RP1: variants seen among roughly 807,000 people sequenced by gnomAD.
RP1 encodes RP1 axonemal microtubule associated, also known as oxygen-regulated protein 1.
Under a neutral mutation model 14.8 loss-of-function variants are expected in RP1, and 16 were observed. The ratio of observed to expected loss-of-function variants is 1.08; its 90% CI spans 0.73 to 1.65. RP1 has a LOEUF of 1.65. RP1 is among the 40% of genes most tolerant of loss of function. RP1 has a pLI of 0.00. For synonymous variants in RP1, 876 were observed against 883.6 expected (o/e 0.99, Z 0.15); for missense variants, 2,631 against 2,535.0 (o/e 1.04, Z -0.81).
At chr8:54,704,700 G>A (rs1339658395) in intron 14 of RP1, among the ~76,000 whole-genome samples, 1 of 152,174 alleles carries the variant, frequency 6.6e-6, no homozygotes, top group Non-Finnish European at 1.5e-5. Context: ...AGGTATGTGT[G>A]TACTTACAGT....
chr8:54,756,644 C>T (rs943404380), intron 21 of RP1, among the ~76,000 whole-genome samples: 20 of 152,094 alleles, frequency 1.3e-4, no homozygotes, highest in African/African-American at 4.6e-4. Context: ...TTTTAGATGC[C>T]GTGGTATTAT....
At chr8:54,652,117 C>T (rs528092458) in intron 4 of RP1, among the ~76,000 whole-genome samples, 1 of 151,964 alleles carries the variant, frequency 6.6e-6, no homozygotes, top group African/African-American at 2.4e-5. Context: ...AAGCAATTCT[C>T]CTGCCTTAGC....
intron 4 of RP1, among the ~76,000 whole-genome samples, chr8:54,652,400 A>C (rs576542627): frequency 2.0e-5 from 3 of 151,848 alleles, no homozygotes; most frequent in Non-Finnish European, 4.4e-5. Context: ...CATATGTTCT[A>C]TCCTGGAGAA....
At chr8:54,701,734 C>CT (rs2129343567) in intron 14 of RP1, 1 of 1,367,028 alleles carries the variant, frequency 7.3e-7, no homozygotes, top group South Asian at 1.4e-5. Context: ...GAGCAAAAGT[C>CT]TTAAATTGAG....
chr8:54,654,835 C>A (rs1806722881), intron 5 of RP1, among the ~76,000 whole-genome samples: 1 of 152,066 alleles, frequency 6.6e-6, no homozygotes, highest in African/African-American at 2.4e-5. Context: ...TTTGTAGAGA[C>A]AGGGTCTTGC....
chr8:54,719,162 C>T (rs1447375719), intron 15 of RP1, among the ~76,000 whole-genome samples: 10 of 152,116 alleles, frequency 6.6e-5, no homozygotes, highest in African/African-American at 2.4e-4. Flanking sequence ...TATGGCCCCT[C>T]TGTCTTAGTT....
At chr8:54,608,292 G>A (rs528015841) in intron 1 of RP1, among the ~76,000 whole-genome samples, 14 of 151,380 alleles carry the variant, frequency 9.2e-5, no homozygotes, top group East Asian at 1.9e-4. Flanking sequence ...GAGTTCAAGT[G>A]TGAATCATCC....
chr8:54,822,942 G>A (rs1038230733), intron 24 of RP1, among the ~76,000 whole-genome samples: 4 of 152,146 alleles, frequency 2.6e-5, no homozygotes, highest in African/African-American at 7.2e-5. Flanking sequence ...AAATAATTAC[G>A]TATTCCTTGG....
At chr8:54,869,992 T>C in exon 29 of RP1, 1 of 860,384 alleles carries the variant, frequency 1.2e-6, no homozygotes, top group Non-Finnish European at 1.5e-6. Flanking sequence ...AGGCTATTGA[T>C]CTGATTGTGA....
At chr8:54,708,713 TC>T (rs1489783980) in intron 15 of RP1, among the ~76,000 whole-genome samples, 3 of 138,362 alleles carry the variant, frequency 2.2e-5, no homozygotes, top group Admixed American at 7.1e-5. Context: ...CTCTGACTCT[TC>T]CATTTTTTTT....
intron 22 of RP1, among the ~76,000 whole-genome samples, chr8:54,763,862 A>G (rs1277139462): frequency 6.6e-6 from 1 of 152,222 alleles, no homozygotes; most frequent in Non-Finnish European, 1.5e-5. Context: ...ATTGCAGTTA[A>G]CACCTTTAAA....
intron 1 of RP1, among the ~76,000 whole-genome samples, chr8:54,577,796 G>C (rs1804693922): frequency 6.6e-6 from 1 of 152,148 alleles, no homozygotes; most frequent in Non-Finnish European, 1.5e-5. Flanking sequence ...CTCAAATCCA[G>C]GTGTGACCAT....
At chr8:54,694,841 T>C (rs1807816094) in intron 12 of RP1, among the ~76,000 whole-genome samples, 1 of 152,186 alleles carries the variant, frequency 6.6e-6, no homozygotes, top group African/African-American at 2.4e-5. Flanking sequence ...CTGATTTTAG[T>C]TATTTCTTGC....
rs371407366 is a variant in RP1 at position 54,620,937 on chromosome 8, A to G, written c.-12-18A>G. 1.2e-6 allele frequency: 2 copies of G among 1,612,406 alleles called. No individual in the cohort carries two copies. The highest frequency in any genetic ancestry group is 1.7e-5 in the Admixed American group (1 of 59,986). On this transcript the variant is annotated intron_variant, in intron 1 of 3. Transcript: ENST00000220676. ...CTATGGTGCTGTGATTCTGGAGATA[A>G]TTTTCTTTCTTCTCTAGGTCTCAGC...
intron 18 of RP1, among the ~76,000 whole-genome samples, chr8:54,735,942 C>T (rs1260376554): frequency 6.6e-6 from 1 of 152,106 alleles, no homozygotes; most frequent in African/African-American, 2.4e-5. Flanking sequence ...GATTCTCAGT[C>T]TTGATTGCAC....
intron 12 of RP1, among the ~76,000 whole-genome samples, chr8:54,685,326 C>T (rs1807538303): frequency 6.6e-6 from 1 of 152,108 alleles, no homozygotes; most frequent in Non-Finnish European, 1.5e-5. Flanking sequence ...ACTGCTTTAG[C>T]TGTGTCCCAG....
chr8:54,828,440 A>G (rs7004671), intron 24 of RP1, among the ~76,000 whole-genome samples: 46,484 of 151,864 alleles, frequency 0.31, 7,323 homozygotes, highest in South Asian at 0.37. Flanking sequence ...AAAGACCTTG[A>G]CACCTTCCCC....
chr8:54,843,285 T>C (rs1018030609), intron 25 of RP1, among the ~76,000 whole-genome samples: 2 of 152,352 alleles, frequency 1.3e-5, no homozygotes, highest in South Asian at 2.1e-4. Context: ...TTTTGCCACG[T>C]TGGCCAGGCT....
At chr8:54,758,399 T>C (rs1366065595) in intron 21 of RP1, among the ~76,000 whole-genome samples, 1 of 150,112 alleles carries the variant, frequency 6.7e-6, no homozygotes, top group East Asian at 2.0e-4. Context: ...AAGAATGTGC[T>C]CTATTTTCAT....
Sources: gnomAD v4.1 joint callset for allele counts (sites outside exome capture counted in the v4.1 genomes callset) on GRCh38, gnomAD v4.1.1 for gene constraint, MANE v1.5 for transcripts, NCBI Gene and HGNC (gene_info 2026-07-23, HGNC 2026-07-21) for gene names.